Variants in POU6F1 observed in about 807,000 individuals in gnomAD.
The protein encoded by POU6F1 is POU class 6 homeobox 1, also known as POU domain, class 6, transcription factor 1.
In POU6F1, 9 loss-of-function variants were observed where a neutral mutation model predicts 28.9. The ratio of observed to expected loss-of-function variants is 0.31; its 90% confidence interval spans 0.19 to 0.54. The LOEUF (loss-of-function observed/expected upper bound fraction) is 0.54, where lower values mean the gene tolerates loss of function less well. Among genes scored for constraint, POU6F1 ranks in the 20% least tolerant of loss-of-function variants. The probability of loss-of-function intolerance (pLI) is 0.94; values close to 1 mark genes in which losing one functional copy is unlikely to be tolerated. For synonymous variants in POU6F1, 173 were observed against 171.1 expected, an observed-to-expected ratio of 1.01 and a Z score of -0.09; for missense variants, 338 against 426.1, an observed-to-expected ratio of 0.79 and a Z score of 1.82.
chr12:51,203,040 C>T (rs778485096), intron 3 of POU6F1, among the ~76,000 whole-genome samples: 20 of 152,096 alleles, frequency 1.3e-4, no homozygotes, highest in Non-Finnish European at 2.8e-4. Flanking sequence ...CATCAAAATA[C>T]CTCCCTTACC....
chr12:51,197,359 C>G (rs1942904070), intron 6 of POU6F1, among the ~76,000 whole-genome samples: 2 of 152,162 alleles, frequency 1.3e-5, no homozygotes, highest in Non-Finnish European at 2.9e-5. Context: ...GGTAGAAGGG[C>G]CACACTGGAG....
intron 1 of POU6F1, among the ~76,000 whole-genome samples, chr12:51,216,055 C>T (rs1032811266): frequency 2.6e-5 from 4 of 152,128 alleles, no homozygotes; most frequent in African/African-American, 9.7e-5. Flanking sequence ...CGGTGGCTCA[C>T]GCCTGTAATC....
chr12:51,211,049 G>A (rs1007110033), intron 1 of POU6F1, among the ~76,000 whole-genome samples: 3 of 152,210 alleles, frequency 2.0e-5, no homozygotes, highest in African/African-American at 7.2e-5. Flanking sequence ...GCCTCAGGCT[G>A]TGGCTTGGTT....
chr12:51,192,965 T>C (rs1031622313), intron 8 of POU6F1, among the ~76,000 whole-genome samples: 1 of 150,874 alleles, frequency 6.6e-6, no homozygotes, highest in African/African-American at 2.4e-5. Context: ...CAATAGTGAC[T>C]GAATTATACT....
intron 9 of POU6F1, 130 bp downstream of exon 9, chr12:51,192,200 C>G (rs1307505714): frequency 7.7e-7 from 1 of 1,303,632 alleles, no homozygotes; most frequent in East Asian, 2.3e-5. Context: ...AAAAAGCCAG[C>G]CCCTCATATT....
At chr12:51,204,025 T>C in intron 3 of POU6F1, 148 bp downstream of exon 3, 2 of 397,512 alleles carry the variant, frequency 5.0e-6, no homozygotes, top group Admixed American at 8.8e-5. Context: ...CCCTCGCAGC[T>C]GACCAGAGGC....
intron 2 of POU6F1, among the ~76,000 whole-genome samples, chr12:51,204,702 T>C (rs1388294233): frequency 6.6e-6 from 1 of 152,164 alleles, no homozygotes. Flanking sequence ...GGATGGCCTA[T>C]CCTACAACTT....
intron 1 of POU6F1, among the ~76,000 whole-genome samples, chr12:51,211,053 C>T (rs1943952259): frequency 6.6e-6 from 1 of 152,228 alleles, no homozygotes; most frequent in Admixed American, 6.5e-5. Flanking sequence ...CAGGCTGTGG[C>T]TTGGTTCCAG....
chr12:51,190,384 G>A lies in POU6F1; in HGVS notation c.1699C>T (p.Pro567Ser), dbSNP rs1293324419. Residue 567 changes from proline to serine, a missense_variant, in exon 11 of 11, where the codon CCA becomes TCA. This residue lies in a region of POU6F1 where 126 missense variants were observed against 176.5 expected (regional missense o/e 0.71). Coordinates refer to ENST00000333640, the MANE Select transcript of POU6F1 (RefSeq NM_001330422.2). The surrounding 1 kb of genome is among the most constrained non-coding windows in gnomAD (Gnocchi z 4.5). Reference protein sequence around the residue: ...EALNAYFEKNPLPTGQEITEI... With the variant: ...EALNAYFEKNSLPTGQEITEI... ...GTGATCTCCTGGCCTGTGGGCAGTG[G>A]GTTCTTCTCAAAATAGGCATTGAGA... 1.2e-6 allele frequency: 2 copies of A among 1,614,024 alleles called. No individual in the cohort carries two copies. Among genetic ancestry groups the A allele is most frequent in the African/African-American group, 1.3e-5 (1 of 74,904 alleles).
chr12:51,216,135 C>T (rs550210851), intron 1 of POU6F1, among the ~76,000 whole-genome samples: 20 of 152,084 alleles, frequency 1.3e-4, no homozygotes, highest in Non-Finnish European at 2.2e-4. Context: ...CTGGGCAACA[C>T]GGTGAAACCC....
Position 51,196,034 on chromosome 12 carries a change from C to T in POU6F1, c.1115G>A (p.Ser372Asn). Residue 372 changes from serine to asparagine, a missense_variant, in exon 8 of 11, where the codon AGC becomes AAC. Physicochemically the swap from Ser to Asn is conservative, Grantham distance 46 (BLOSUM62 1). This residue lies in a region of POU6F1 where 206 missense variants were observed against 225.6 expected (regional missense o/e 0.91). Coordinates refer to ENST00000333640, the MANE Select transcript of POU6F1 (RefSeq NM_001330422.2). ...QGQVIATLAS[S>N]PLPPPVAVRK... ...GACAGCCACAGGTGGAGGCAGGGGG[C>T]TGCTAGCCAGGGTCGCAATCACCTG... The T allele has an allele frequency of 7.0e-7, 1 of 1,423,576 alleles. No individual in the cohort carries two copies. Among genetic ancestry groups the T allele is most frequent in the Non-Finnish European group, 9.4e-7 (1 of 1,063,948 alleles). The allele number at this position is 1,423,576 out of a possible 1,614,324, so 88.2% of individuals were successfully genotyped here. A position where few individuals can be genotyped will look rare whatever the true frequency, so the allele number is the denominator to read the frequency against.
chr12:51,211,709 C>T (rs779842216), intron 1 of POU6F1, among the ~76,000 whole-genome samples: 17 of 152,126 alleles, frequency 1.1e-4, no homozygotes, highest in Admixed American at 7.9e-4. Flanking sequence ...GTCGTGATCA[C>T]GCCACTACAC....
rs1389620116 is a variant in POU6F1, at chr12:51,199,731, C to T, written c.366+16G>A. 1.0e-5 allele frequency: 4 copies of T among 398,942 alleles called. No individual in the cohort carries two copies. The highest frequency in any genetic ancestry group is 3.6e-5 in the East Asian group (1 of 28,064). The allele number at this position is 398,942 out of a possible 1,614,324, so 24.7% of individuals were successfully genotyped here. ...TGCCCCCGGCCTTCTGTCCAGCTCC[C>T]GAGGGCAGCCCTTACCTGGGGGGCA... On this transcript the variant is annotated intron_variant, in intron 4 of 10. Transcript: ENST00000333640. The surrounding 1 kb of genome is among the most constrained non-coding windows in gnomAD (Gnocchi z 4.1).
At position 51,203,605 on chromosome 12, in the gene POU6F1, C is replaced by A. The variant is rs182081391; in HGVS notation, c.244+568G>T. Among the ~76,000 whole-genome samples the A allele has an allele frequency of 6.8e-4, 103 of 152,288 alleles. 1 individual carries two copies. The highest frequency in any genetic ancestry group is 1.2e-3 in the Non-Finnish European group (79 of 68,026). On this transcript the variant is annotated intron_variant, in intron 3 of 10. Transcript: ENST00000333640. ...GGCCATGCAGTTTCTTGTTAAGGAG[C>A]TGTTGCTTTTCGGAAGTTTGCGTGT...
intron 2 of POU6F1, among the ~76,000 whole-genome samples, chr12:51,204,695 T>C (rs1298792080): frequency 6.6e-6 from 1 of 152,182 alleles, no homozygotes; most frequent in African/African-American, 2.4e-5. Flanking sequence ...GAGCGGCGGA[T>C]GGCCTATCCT....
At chr12:51,200,352 A>T (rs1943130183) in intron 3 of POU6F1, among the ~76,000 whole-genome samples, 1 of 152,196 alleles carries the variant, frequency 6.6e-6, no homozygotes, top group Non-Finnish European at 1.5e-5. Flanking sequence ...CCTGAAGGGC[A>T]AAGTCCTGGA....
At chr12:51,215,641 A>T (rs1944249246) in intron 1 of POU6F1, among the ~76,000 whole-genome samples, 1 of 151,582 alleles carries the variant, frequency 6.6e-6, no homozygotes, top group Admixed American at 6.6e-5. Context: ...CCCTTCCTAA[A>T]GCGCCCGTCT....
intron 2 of POU6F1, among the ~76,000 whole-genome samples, chr12:51,206,394 G>C (rs1260781344): frequency 6.6e-6 from 1 of 150,626 alleles, no homozygotes; most frequent in Non-Finnish European, 1.5e-5. Flanking sequence ...CTGCACTCCA[G>C]CCTGGGTGAC....
chr12:51,213,314 G>A (rs1944124901), intron 1 of POU6F1, among the ~76,000 whole-genome samples: 1 of 152,110 alleles, frequency 6.6e-6, no homozygotes, highest in African/African-American at 2.4e-5. Context: ...AAAGAATCTT[G>A]TCCTATGTAG....
Sources: gnomAD v4.1 joint callset for allele counts (sites outside exome capture counted in the v4.1 genomes callset) on GRCh38, gnomAD v4.1.1 for gene constraint, gnomAD v4.1.1 regional missense constraint, Gnocchi (gnomAD v3.1) non-coding constraint, MANE v1.5 for transcripts, NCBI Gene and HGNC (gene_info 2026-07-23, HGNC 2026-07-21) for gene names.